The following TPST1 variants were observed in gnomAD, a reference collection of about 807,000 sequenced individuals.
TPST1 encodes the protein tyrosylprotein sulfotransferase 1.
A neutral mutation model predicts 34.8 loss-of-function variants in TPST1; 20 were observed. The ratio of observed to expected loss-of-function variants is 0.57; its 90% CI spans 0.40 to 0.84. The LOEUF is 0.84. Among genes scored for constraint, TPST1 ranks in the 40% least tolerant of loss-of-function variants. TPST1 has a pLI of 0.00. For missense variants in TPST1, 353 were observed against 455.5 expected (o/e 0.78, Z 2.05); for synonymous variants, 152 against 159.4 (o/e 0.95, Z 0.35).
In TPST1 at chr7:66,338,621, T is replaced by C. The variant is rs116261266; in HGVS notation, c.1045-13884T>C. 7.6e-3 allele frequency among the ~76,000 whole-genome samples: 1,162 copies of C among 152,256 alleles called. 18 individuals are homozygous for C. Among genetic ancestry groups the C allele is most frequent in the African/African-American group, 0.026 (1,093 of 41,546 alleles). On this transcript the variant is annotated intron_variant, in intron 3 of 5. Coordinates refer to ENST00000304842, the MANE Select transcript of TPST1 (RefSeq NM_003596.4). ...CAAATTTTTAAAATTGAAATTATAT[T>C]TATCTTGTCACAGTGGAATAAAACT...
chr7:66,204,543 G>A (rs187145001), upstream of TPST1, among the ~76,000 whole-genome samples: 1 of 152,328 alleles, frequency 6.6e-6, no homozygotes, highest in East Asian at 1.9e-4. Context: ...GAATACAGCT[G>A]TTAGATTCTG....
chr7:66,260,098 A>G (rs1043120914), intron 2 of TPST1, among the ~76,000 whole-genome samples: 1 of 152,158 alleles, frequency 6.6e-6, no homozygotes, highest in Non-Finnish European at 1.5e-5. Flanking sequence ...ATTTCTTTTT[A>G]GCACTGCTGT....
chr7:66,206,123 CTTTT>C (rs55882173), intron 1 of TPST1, among the ~76,000 whole-genome samples: 253 of 116,122 alleles, frequency 2.2e-3, no homozygotes, highest in Admixed American at 2.2e-3. Context: ...GGATTCATCG[CTTTT>C]TTTTTTTTTT....
At chr7:66,247,391 G>A (rs1790170603) in intron 2 of TPST1, among the ~76,000 whole-genome samples, 1 of 152,170 alleles carries the variant, frequency 6.6e-6, no homozygotes, top group African/African-American at 2.4e-5. Flanking sequence ...TCGTGCCACT[G>A]CACTCCAGCC....
chr7:66,278,522 C>A (rs767604509), intron 2 of TPST1, among the ~76,000 whole-genome samples: 2 of 152,012 alleles, frequency 1.3e-5, no homozygotes, highest in Non-Finnish European at 2.9e-5. Context: ...CAGTGGCTCA[C>A]GCCTGTAATC....
chr7:66,358,032 C>A (rs12670811), intron 5 of TPST1, among the ~76,000 whole-genome samples: 36,642 of 151,598 alleles, frequency 0.24, 4,517 homozygotes, highest in East Asian at 0.3. Flanking sequence ...TACAGTAAGC[C>A]GAAATCGTGC....
At chr7:66,221,204 C>G (rs190583455) in intron 1 of TPST1, among the ~76,000 whole-genome samples, 3 of 151,652 alleles carry the variant, frequency 2.0e-5, no homozygotes, top group East Asian at 3.9e-4. Context: ...GAACTCAGAC[C>G]ATTTAGGAGG....
chr7:66,253,517 G>A (rs758601194), intron 2 of TPST1, among the ~76,000 whole-genome samples: 5 of 151,700 alleles, frequency 3.3e-5, no homozygotes, highest in African/African-American at 4.8e-5. Flanking sequence ...GACTACAGGC[G>A]TGTGCCACCA....
intron 3 of TPST1, among the ~76,000 whole-genome samples, chr7:66,306,801 C>T (rs1213923063): frequency 6.6e-6 from 1 of 152,220 alleles, no homozygotes; most frequent in East Asian, 1.9e-4. Context: ...AAACCTCCCC[C>T]TCCCGGGTTG....
At position 66,240,818 on chromosome 7, in the gene TPST1, T is replaced by C. The variant is rs1320113935; in HGVS notation, c.393T>C (p.Asp131=). The C allele has an allele frequency of 1.2e-6, 2 of 1,614,102 alleles. No individual in the cohort carries two copies. Among genetic ancestry groups the C allele is most frequent in the Non-Finnish European group, 1.7e-6 (2 of 1,180,054 alleles). ...KIRLDEAGVT[D]EVLDSAMQAF... ...GCCTGGATGAGGCTGGTGTTACTGA[T>C]GAAGTGCTGGATTCTGCCATGCAAG... is the stretch of plus-strand genomic sequence containing the variant. The change falls in exon 2 of 6, where the codon GAT becomes GAC. Residue 131 remains aspartate (D), a synonymous_variant. Transcript: ENST00000304842.
intron 3 of TPST1, among the ~76,000 whole-genome samples, chr7:66,298,161 C>A (rs1791240299): frequency 2.6e-5 from 4 of 152,078 alleles, no homozygotes; most frequent in Admixed American, 6.5e-5. Flanking sequence ...GTGATTGTTG[C>A]AGAGTTCTGT....
intron 1 of TPST1, among the ~76,000 whole-genome samples, chr7:66,232,557 C>T (rs1789820550): frequency 6.6e-6 from 1 of 152,084 alleles, no homozygotes; most frequent in African/African-American, 2.4e-5. Context: ...ATGGGTTTCA[C>T]CATGTTAGCC....
At chr7:66,340,905 G>A (rs918171644) in intron 3 of TPST1, among the ~76,000 whole-genome samples, 1 of 152,256 alleles carries the variant, frequency 6.6e-6, no homozygotes, top group Non-Finnish European at 1.5e-5. Flanking sequence ...CAGCTACTCA[G>A]GAGGCTGAGG....
chr7:66,277,142 G>A (rs1454839571), intron 2 of TPST1, among the ~76,000 whole-genome samples: 1 of 152,106 alleles, frequency 6.6e-6, no homozygotes, highest in African/African-American at 2.4e-5. Flanking sequence ...TCTCCTCCCA[G>A]AAGTTTCTAA....
chr7:66,279,298 A>G (rs1459428488), intron 2 of TPST1, among the ~76,000 whole-genome samples: 1 of 152,150 alleles, frequency 6.6e-6, no homozygotes, highest in Non-Finnish European at 1.5e-5. Flanking sequence ...TCCATGGTGT[A>G]TATCTACCAC....
chr7:66,208,413 T>G (rs1282673449), intron 1 of TPST1, among the ~76,000 whole-genome samples: 1 of 152,192 alleles, frequency 6.6e-6, no homozygotes, highest in Non-Finnish European at 1.5e-5. Context: ...TGACTTTTCT[T>G]TGTGTTTCCA....
intron 1 of TPST1, among the ~76,000 whole-genome samples, chr7:66,209,656 A>T (rs1368941426): frequency 6.6e-6 from 1 of 152,184 alleles, no homozygotes; most frequent in Non-Finnish European, 1.5e-5. Context: ...GCAGTAAAGC[A>T]TTCCCACATC....
At position 66,286,653 on chromosome 7, in the gene TPST1, G is replaced by A; in HGVS notation, c.988G>A (p.Ala330Thr). Residue 330 changes from alanine to threonine, a missense_variant, in exon 3 of 6, where the codon GCC becomes ACC. Ala to Thr is a moderately conservative substitution (Grantham distance 58, BLOSUM62 0). Coordinates refer to ENST00000304842, the MANE Select transcript of TPST1 (RefSeq NM_003596.4). ...TGCCAAGCTTGGATATGACCCATAT[G>A]CCAACCCACCTAACTACGGAAAACC... ...MLAKLGYDPY[A>T]NPPNYGKPDP... 2.5e-6 allele frequency: 4 copies of A among 1,600,204 alleles called. No homozygotes were observed. The highest frequency in any genetic ancestry group is 3.4e-6 in the Non-Finnish European group (4 of 1,172,338).
chr7:66,262,316 A>T (rs1034628535), intron 2 of TPST1, among the ~76,000 whole-genome samples: 4 of 152,204 alleles, frequency 2.6e-5, no homozygotes, highest in Admixed American at 2.0e-4. Flanking sequence ...TTTTGCTAGC[A>T]GAATCCCCAC....
Sources: allele counts gnomAD v4.1 joint callset (sites outside exome capture counted in the v4.1 genomes callset), GRCh38; gene constraint gnomAD v4.1.1; transcripts MANE v1.5; gene names NCBI Gene and HGNC (gene_info 2026-07-23, HGNC 2026-07-21).